The following EHHADH variants were observed in gnomAD, a reference collection of about 807,000 sequenced individuals.
The protein encoded by EHHADH is enoyl-CoA hydratase and 3-hydroxyacyl CoA dehydrogenase.
Under a neutral mutation model 64.4 loss-of-function variants are expected in EHHADH, and 48 were observed. The ratio of observed to expected loss-of-function variants is 0.75; its 90% CI spans 0.59 to 0.95. The LOEUF is 0.95. Ranked by LOEUF, EHHADH falls within the 40% of genes least tolerant of loss-of-function variation. The pLI is 0.00. For synonymous variants in EHHADH, 308 were observed against 326.7 expected (o/e 0.94, Z 0.62); for missense variants, 854 against 876.6 (o/e 0.97, Z 0.33).
chr3:185,229,533 C>A lies in EHHADH; in HGVS notation c.362G>T (p.Gly121Val). ...AAGTCCCAGTGTAACTTCTGGTAAG[C>A]CAACTTGAGCCTATCAAAGATTGAA... ...YRIAHAEAQV[G>V]LPEVTLGLLP... Residue 121 changes from glycine (G) to valine (V), a missense_variant, in exon 4 of 7, where the codon GGC becomes GTC. Coordinates refer to ENST00000231887, the MANE Select transcript of EHHADH (RefSeq NM_001966.4). 2 of 1,563,610 alleles carry A rather than the reference C, an allele frequency of 1.3e-6. No individual in the cohort carries two copies. Among genetic ancestry groups the A allele is most frequent in the Non-Finnish European group, 1.7e-6 (2 of 1,150,778 alleles).
At chr3:185,224,744 T>C (rs989439189) in intron 4 of EHHADH, among the ~76,000 whole-genome samples, 1 of 152,146 alleles carries the variant, frequency 6.6e-6, no homozygotes, top group African/African-American at 2.4e-5. Context: ...TTTCCTTGTC[T>C]TTTCCACTTC....
In EHHADH at chr3:185,193,159, C is replaced by T. The variant is rs369845115; in HGVS notation, c.1239G>A (p.Leu413=). The change falls in exon 7 of 7, where the codon CTG becomes CTA. Residue 413 remains leucine (L), a synonymous_variant. Coordinates refer to ENST00000231887, the MANE Select transcript of EHHADH (RefSeq NM_001966.4). The part of the protein sequence containing the change: ...EAFLCTNTSA[L]DVDEIASSTD... The stretch of plus-strand genomic sequence containing the variant: ...TGGAAGAAGCAATCTCATCAACATC[C>T]AGGGCTGAAGTATTAGTGCACAAAA... 4.3e-6 allele frequency: 7 copies of T among 1,613,138 alleles called. No homozygotes were observed. The African/African-American group carries it at 5.3e-5, about 12-fold the overall frequency.
intron 1 of EHHADH, chr3:185,253,702 C>T (rs1719812642): frequency 3.5e-6 from 3 of 845,116 alleles, no homozygotes; most frequent in South Asian, 3.0e-5. Context: ...GCCTCAGTTT[C>T]CTTATCAGTA....
At chr3:185,204,977 G>T (rs902600330) in intron 5 of EHHADH, among the ~76,000 whole-genome samples, 8 of 151,804 alleles carry the variant, frequency 5.3e-5, no homozygotes, top group Non-Finnish European at 1.0e-4. Flanking sequence ...GCAATTTTAG[G>T]TTACCTAGTT....
At chr3:185,210,451 T>C (rs4687143) in intron 5 of EHHADH, among the ~76,000 whole-genome samples, 19,711 of 151,734 alleles carry the variant, frequency 0.13, 1,911 homozygotes, top group African/African-American at 0.26. Context: ...CCAGCCAAGA[T>C]AGTGAAACCC....
intron 1 of EHHADH, among the ~76,000 whole-genome samples, chr3:185,249,109 C>T (rs1719674750): frequency 6.6e-6 from 1 of 151,976 alleles, no homozygotes; most frequent in South Asian, 2.1e-4. Context: ...TTGGTTTTTA[C>T]TTGAATATAT....
At chr3:185,208,810 T>C (rs1360430202) in intron 5 of EHHADH, among the ~76,000 whole-genome samples, 1 of 152,140 alleles carries the variant, frequency 6.6e-6, no homozygotes, top group Non-Finnish European at 1.5e-5. Flanking sequence ...AGAAATTTGA[T>C]AGAGCCATGC....
intron 1 of EHHADH, among the ~76,000 whole-genome samples, chr3:185,249,230 G>A (rs991024185): frequency 2.0e-5 from 3 of 152,180 alleles, no homozygotes; most frequent in African/African-American, 4.8e-5. Context: ...CCGGGTTCAC[G>A]CCATTCTCCT....
chr3:185,247,734 T>C (rs1226961285), intron 2 of EHHADH, among the ~76,000 whole-genome samples: 1 of 152,194 alleles, frequency 6.6e-6, no homozygotes, highest in African/African-American at 2.4e-5. Flanking sequence ...TAGGCCCCCA[T>C]ATCCATGTGA....
intron 5 of EHHADH, among the ~76,000 whole-genome samples, chr3:185,211,112 T>TA (rs1718529309): frequency 6.6e-6 from 1 of 152,232 alleles, no homozygotes; most frequent in Non-Finnish European, 1.5e-5. Context: ...AGGATGCTGT[T>TA]ATCTTACAAC....
At position 185,191,282 on chromosome 3, in the gene EHHADH, AAT is replaced by A. The variant is rs78377715; in HGVS notation, c.*942_*943del. The stretch of plus-strand genomic sequence containing the variant: ...CCTTTATTTCTTTTTATGGCTGAAT[AAT>A]ATAGTCCATTGTATGGATATACCAG... On this transcript the variant is annotated 3_prime_UTR_variant, in exon 7 of 7. Transcript: ENST00000231887. 0.17 allele frequency: 26,410 copies of A among 152,072 alleles called. 3,839 individuals carry two copies. The highest frequency in any genetic ancestry group is 0.4 in the African/African-American group (16,406 of 41,388). 9.4% of individuals were successfully genotyped at this position (152,072 alleles called of 1,614,324 possible). A position where few individuals can be genotyped will look rare whatever the true frequency, so the allele number is the denominator to read the frequency against.
intron 6 of EHHADH, among the ~76,000 whole-genome samples, chr3:185,195,984 G>A (rs1718050620): frequency 6.6e-6 from 1 of 152,178 alleles, no homozygotes; most frequent in Non-Finnish European, 1.5e-5. Flanking sequence ...AGAAAATTGT[G>A]TATATTACCT....
chr3:185,224,435 A>C (rs1041462161), intron 4 of EHHADH, among the ~76,000 whole-genome samples: 3 of 128,540 alleles, frequency 2.3e-5, no homozygotes, highest in Admixed American at 9.3e-5. Context: ...CGGGAGGTGG[A>C]GGTTGTGGTG....
chr3:185,202,804 G>A (rs887124892), intron 6 of EHHADH, among the ~76,000 whole-genome samples: 2 of 152,118 alleles, frequency 1.3e-5, no homozygotes, highest in African/African-American at 4.8e-5. Flanking sequence ...ATTGTATTCC[G>A]TGAAACTGGT....
At chr3:185,225,502 C>T (rs984141032) in intron 4 of EHHADH, among the ~76,000 whole-genome samples, 3 of 152,142 alleles carry the variant, frequency 2.0e-5, no homozygotes, top group Admixed American at 6.5e-5. Flanking sequence ...ATTATGATAG[C>T]AGCCCTCAGT....
Position 185,217,053 on chromosome 3 carries a change from C to A in EHHADH, c.568+1083G>T, listed in dbSNP as rs546961257. ...GTTCTCAAGGCCCACAGTTTTACTG[C>A]GGTAAATTATAGAGCCTGTGATATG... On this transcript the variant is annotated intron_variant, in intron 5 of 6. Transcript: ENST00000231887. Among the ~76,000 whole-genome samples the A allele has an allele frequency of 2.6e-5, 4 of 152,174 alleles. No individual in the cohort carries two copies. The South Asian group carries it at 6.2e-4, about 24-fold the overall frequency.
At chr3:185,221,307 T>C (rs888145076) in intron 4 of EHHADH, among the ~76,000 whole-genome samples, 1 of 152,186 alleles carries the variant, frequency 6.6e-6, no homozygotes, top group Non-Finnish European at 1.5e-5. Context: ...GCACAATAAA[T>C]TGTCTCATGT....
intron 5 of EHHADH, among the ~76,000 whole-genome samples, chr3:185,214,310 T>C (rs1014487223): frequency 6.6e-6 from 1 of 152,192 alleles, no homozygotes. Flanking sequence ...AGAACATGAT[T>C]TGAAACCAGC....
intron 1 of EHHADH, 167 bp downstream of exon 1, chr3:185,253,782 G>GAAAAT: frequency 1.6e-6 from 2 of 1,273,618 alleles, no homozygotes; most frequent in Non-Finnish European, 2.0e-6. Flanking sequence ...AAAAAGAAAA[G>GAAAAT]AAAAAGAAAG....
Sources: gnomAD v4.1 joint callset for allele counts (sites outside exome capture counted in the v4.1 genomes callset) on GRCh38, gnomAD v4.1.1 for gene constraint, MANE v1.5 for transcripts, NCBI Gene and HGNC (gene_info 2026-07-23, HGNC 2026-07-21) for gene names.